Variants in MIS18A observed in about 807,000 individuals in gnomAD.
MIS18A encodes protein Mis18-alpha.
MIS18A carries 14 observed loss-of-function variants against 25.0 expected under a neutral mutation model. The observed-to-expected ratio is 0.56, with a 90% CI of 0.37 to 0.88. The LOEUF (loss-of-function observed/expected upper bound fraction) is 0.88, where lower values mean the gene tolerates loss of function less well. Ranked by LOEUF, MIS18A falls within the 40% of genes least tolerant of loss-of-function variation. MIS18A has a pLI of 0.00. For synonymous variants in MIS18A, 134 were observed against 118.6 expected (o/e 1.13, Z -0.84); for missense variants, 292 against 290.8 (o/e 1.00, Z -0.03).
At chr21:32,226,280 T>TAAAA in the MIS18A span, among the ~76,000 whole-genome samples, 1,649 of 131,474 alleles carry the variant, frequency 0.013, 28 homozygotes, top group African/African-American at 0.041. Flanking sequence ...TAAAGTATAA[T>TAAAA]AAAAAAAAAA....
At chr21:32,186,609 T>C in the MIS18A span, among the ~76,000 whole-genome samples, 1 of 152,218 alleles carries the variant, frequency 6.6e-6, no homozygotes, top group African/African-American at 2.4e-5. Context: ...AAGAGGGCGA[T>C]ACATCTACAA....
chr21:32,182,940 G>A, the MIS18A span, among the ~76,000 whole-genome samples: 1 of 152,180 alleles, frequency 6.6e-6, no homozygotes, highest in Non-Finnish European at 1.5e-5. Context: ...TCTTGAAGGG[G>A]AAGCTCCAAA....
chr21:32,198,408 T>C, the MIS18A span, among the ~76,000 whole-genome samples: 1 of 152,228 alleles, frequency 6.6e-6, no homozygotes, highest in Admixed American at 6.5e-5. Flanking sequence ...CCCGGGTGTG[T>C]ATCAAAAATG....
At chr21:32,162,550 A>G in the MIS18A span, among the ~76,000 whole-genome samples, 1 of 152,164 alleles carries the variant, frequency 6.6e-6, no homozygotes, top group Admixed American at 6.5e-5. Context: ...ACCTTAGTTC[A>G]TAGTGCATGC....
the MIS18A span, among the ~76,000 whole-genome samples, chr21:32,247,224 C>T: frequency 5.9e-5 from 9 of 152,336 alleles, no homozygotes; most frequent in South Asian, 1.7e-3. Flanking sequence ...CTCTTACCTA[C>T]TTGGTAAGCA....
At chr21:32,238,809 A>G in the MIS18A span, among the ~76,000 whole-genome samples, 176 of 152,294 alleles carry the variant, frequency 1.2e-3, no homozygotes, top group Non-Finnish European at 2.2e-3. Flanking sequence ...TGCTGTCAAG[A>G]AGAGGGAGGG....
At chr21:32,268,046 T>A (rs914859272), downstream of MIS18A, among the ~76,000 whole-genome samples, 2 of 152,200 alleles carry the variant, frequency 1.3e-5, no homozygotes, top group Non-Finnish European at 2.9e-5. Context: ...TACCACTGAG[T>A]ACTGTTCCGT....
At chr21:32,198,401 G>A in the MIS18A span, among the ~76,000 whole-genome samples, 149 of 152,322 alleles carry the variant, frequency 9.8e-4, no homozygotes, top group African/African-American at 3.5e-3. Context: ...GTTCCTTCCC[G>A]GGTGTGTATC....
the MIS18A span, among the ~76,000 whole-genome samples, chr21:32,156,809 T>C: frequency 6.6e-6 from 1 of 151,538 alleles, no homozygotes; most frequent in African/African-American, 2.4e-5. Context: ...AGGGGCACCA[T>C]GTAAAAGAGA....
chr21:32,209,523 A>G, the MIS18A span, among the ~76,000 whole-genome samples: 1 of 152,196 alleles, frequency 6.6e-6, no homozygotes, highest in African/African-American at 2.4e-5. Context: ...TTTTGACATT[A>G]AAACTGGCAA....
the MIS18A span, among the ~76,000 whole-genome samples, chr21:32,201,877 TG>T: frequency 6.6e-6 from 1 of 151,998 alleles, no homozygotes; most frequent in Non-Finnish European, 1.5e-5. Flanking sequence ...ACACAGGAAA[TG>T]TCCTTTCAAC....
At chr21:32,255,841 A>G in the MIS18A span, among the ~76,000 whole-genome samples, 1 of 151,770 alleles carries the variant, frequency 6.6e-6, no homozygotes, top group Non-Finnish European at 1.5e-5. Flanking sequence ...CAGAGAGCCA[A>G]GAACGTGCCA....
At chr21:32,157,054 C>CTTTCT in the MIS18A span, among the ~76,000 whole-genome samples, 2 of 121,552 alleles carry the variant, frequency 1.6e-5, no homozygotes, top group African/African-American at 3.0e-5. Flanking sequence ...TTCTTTCTTT[C>CTTTCT]TTTTTTTTTT....
the MIS18A span, among the ~76,000 whole-genome samples, chr21:32,175,644 C>T: frequency 4.0e-5 from 2 of 50,226 alleles, no homozygotes; most frequent in African/African-American, 1.3e-4. Flanking sequence ...CCGGTCTCTA[C>T]TGAAAAAAAA....
chr21:32,272,891 G>A (rs2031738870), intron 2 of MIS18A, among the ~76,000 whole-genome samples: 1 of 152,194 alleles, frequency 6.6e-6, no homozygotes, highest in Non-Finnish European at 1.5e-5. Flanking sequence ...AAGGCAGTAA[G>A]GAAGGGTAAC....
chr21:32,265,308 G>T (rs559857756), downstream of MIS18A, among the ~76,000 whole-genome samples: 2 of 152,088 alleles, frequency 1.3e-5, no homozygotes, highest in Non-Finnish European at 2.9e-5. Context: ...GCCCACTCCC[G>T]CAGCTTGCAG....
chr21:32,264,671 C>T (rs948252737), downstream of MIS18A, among the ~76,000 whole-genome samples: 6 of 152,154 alleles, frequency 3.9e-5, no homozygotes, highest in Admixed American at 2.0e-4. Context: ...CCCCAAGACC[C>T]TCCTTCAAAA....
At chr21:32,253,942 T>C in the MIS18A span, among the ~76,000 whole-genome samples, 1 of 152,232 alleles carries the variant, frequency 6.6e-6, no homozygotes, top group South Asian at 2.1e-4. Context: ...TAAATCCCTA[T>C]AGAAGTAAAT....
chr21:32,209,025 A>G, the MIS18A span, among the ~76,000 whole-genome samples: 3 of 152,244 alleles, frequency 2.0e-5, no homozygotes, highest in Non-Finnish European at 4.4e-5. Flanking sequence ...AAGTTCTCGC[A>G]GTAGCTCTCT....
Sources: allele counts gnomAD v4.1 joint callset (sites outside exome capture counted in the v4.1 genomes callset), GRCh38; gene constraint gnomAD v4.1.1; transcripts MANE v1.5; gene names NCBI Gene and HGNC (gene_info 2026-07-23, HGNC 2026-07-21).